ARHGAP22: variants seen among roughly 807,000 people sequenced by gnomAD.
ARHGAP22 encodes the protein rho GTPase-activating protein 22.
Under a neutral mutation model 59.1 loss-of-function variants are expected in ARHGAP22, and 48 were observed. The observed-to-expected ratio is 0.81, with a 90% CI of 0.64 to 1.03. The LOEUF is 1.03. Ranked by LOEUF, ARHGAP22 falls within the 50% of genes least tolerant of loss-of-function variation. The pLI, the probability that ARHGAP22 is intolerant of heterozygous loss-of-function variation, is 0.00. For missense variants in ARHGAP22, 1,015 were observed against 958.7 expected, an observed-to-expected ratio of 1.06 and a Z score of -0.78; for synonymous variants, 445 against 416.4, an observed-to-expected ratio of 1.07 and a Z score of -0.84.
chr10:48,462,229 G>A (rs149757439), intron 4 of ARHGAP22, among the ~76,000 whole-genome samples: 1 of 134,898 alleles, frequency 7.4e-6, no homozygotes, highest in African/African-American at 2.7e-5. Flanking sequence ...GTGTGTGCAT[G>A]GGTATGCACA....
At chr10:48,582,885 G>A in intron 2 of ARHGAP22, 68 bp downstream of exon 2, 1 of 1,561,002 alleles carries the variant, frequency 6.4e-7, no homozygotes, top group Non-Finnish European at 8.8e-7. Flanking sequence ...CCCTTCTCCT[G>A]GGCATGGTCT....
intron 3 of ARHGAP22, among the ~76,000 whole-genome samples, chr10:48,541,820 C>T (rs1364065235): frequency 6.6e-6 from 1 of 152,234 alleles, no homozygotes; most frequent in African/African-American, 2.4e-5. Context: ...AATTGGGACC[C>T]TGGCCTCGAT....
At chr10:48,437,566 A>T in the ARHGAP22 span, 1 of 150,964 alleles carries the variant, frequency 6.6e-6, no homozygotes, top group East Asian at 2.0e-4. Context: ...CCTGGTTACT[A>T]TTCTCTTCCC....
chr10:48,505,448 G>A (rs771236949), intron 3 of ARHGAP22, among the ~76,000 whole-genome samples: 5 of 152,114 alleles, frequency 3.3e-5, no homozygotes, highest in Non-Finnish European at 5.9e-5. Context: ...ACCACGTCCA[G>A]CAGCTCCAAA....
chr10:48,559,058 C>T (rs7087729), intron 2 of ARHGAP22, among the ~76,000 whole-genome samples: 23,224 of 152,238 alleles, frequency 0.15, 1,868 homozygotes, highest in Admixed American at 0.23. Context: ...CTGTTTCTGG[C>T]ACCTCAGACA....
At chr10:48,654,170 G>C (rs2062666985), upstream of ARHGAP22, among the ~76,000 whole-genome samples, 1 of 152,202 alleles carries the variant, frequency 6.6e-6, no homozygotes, top group Non-Finnish European at 1.5e-5. Context: ...GGATCCAGCA[G>C]CTTGACAATG....
At chr10:48,638,128 T>G (rs997665548) in intron 1 of ARHGAP22, among the ~76,000 whole-genome samples, 2 of 152,210 alleles carry the variant, frequency 1.3e-5, no homozygotes, top group Non-Finnish European at 2.9e-5. Context: ...TTCCACCGTT[T>G]TCCCCTAACA....
chr10:48,455,220 A>G, intron 5 of ARHGAP22, 86 bp from the exon 6 acceptor site: 1 of 1,432,832 alleles, frequency 7.0e-7, no homozygotes, highest in South Asian at 1.5e-5. Context: ...GCCAAGGGGC[A>G]GCCTCTGGTC....
chr10:48,437,648 A>C, the ARHGAP22 span: 1 of 152,198 alleles, frequency 6.6e-6, no homozygotes, highest in Non-Finnish European at 1.5e-5. Flanking sequence ...ACGCAGATAG[A>C]GCATCTCAAC....
At chr10:48,568,672 G>A (rs892913956) in intron 2 of ARHGAP22, among the ~76,000 whole-genome samples, 9 of 152,222 alleles carry the variant, frequency 5.9e-5, no homozygotes, top group Admixed American at 1.3e-4. Flanking sequence ...GATGCTCACC[G>A]TCTCCGCTGC....
At chr10:48,550,285 C>T (rs2056799364) in intron 3 of ARHGAP22, among the ~76,000 whole-genome samples, 1 of 152,240 alleles carries the variant, frequency 6.6e-6, no homozygotes. Flanking sequence ...TCCTGTGAGT[C>T]AATGTCTGCC....
intron 4 of ARHGAP22, among the ~76,000 whole-genome samples, chr10:48,468,414 G>A (rs2047920497): frequency 6.6e-6 from 1 of 152,170 alleles, no homozygotes; most frequent in Non-Finnish European, 1.5e-5. Flanking sequence ...GGCGGTGGGG[G>A]CAGGACAGAG....
chr10:48,566,114 C>T (rs533208870), intron 2 of ARHGAP22, among the ~76,000 whole-genome samples: 68 of 152,328 alleles, frequency 4.5e-4, no homozygotes, highest in South Asian at 3.9e-3. Context: ...TCATTTTTCA[C>T]CTTGTCTAGG....
chr10:48,537,029 T>C (rs2055425618), intron 3 of ARHGAP22, among the ~76,000 whole-genome samples: 1 of 152,060 alleles, frequency 6.6e-6, no homozygotes, highest in Admixed American at 6.6e-5. Context: ...AAAATTCCTG[T>C]TATACAGGAA....
chr10:48,565,003 CG>C (rs1554917397), intron 2 of ARHGAP22, among the ~76,000 whole-genome samples: 1 of 152,182 alleles, frequency 6.6e-6, no homozygotes, highest in Non-Finnish European at 1.5e-5. Flanking sequence ...ACAGCAACAG[CG>C]ACAATGATTT....
chr10:48,647,084 G>A (rs764987034), intron 1 of ARHGAP22, among the ~76,000 whole-genome samples: 7 of 152,080 alleles, frequency 4.6e-5, no homozygotes, highest in Non-Finnish European at 1.0e-4. Flanking sequence ...ATTTAAATAG[G>A]CATGTTACCA....
At chr10:48,484,136 G>A (rs1322975153) in intron 3 of ARHGAP22, among the ~76,000 whole-genome samples, 5 of 152,206 alleles carry the variant, frequency 3.3e-5, no homozygotes, top group African/African-American at 9.6e-5. Context: ...ATTGAGGAGG[G>A]TGTCCTTTCC....
chr10:48,459,085 G>A (rs990642694), intron 5 of ARHGAP22, among the ~76,000 whole-genome samples: 2 of 152,198 alleles, frequency 1.3e-5, no homozygotes, highest in African/African-American at 4.8e-5. Flanking sequence ...CATAATGGGT[G>A]GGGGCACTGT....
chr10:48,596,376 C>T (rs2060067750), intron 1 of ARHGAP22, among the ~76,000 whole-genome samples: 1 of 151,840 alleles, frequency 6.6e-6, no homozygotes. Context: ...ATCTTGCTGT[C>T]ATCTATAAAG....
Sources: gnomAD v4.1 joint callset for allele counts (sites outside exome capture counted in the v4.1 genomes callset) on GRCh38, gnomAD v4.1.1 for gene constraint, MANE v1.5 for transcripts, NCBI Gene and HGNC (gene_info 2026-07-23, HGNC 2026-07-21) for gene names.